TDRD9: variants seen among roughly 807,000 people sequenced by gnomAD.
TDRD9 encodes the protein ATP-dependent RNA helicase TDRD9.
Under a neutral mutation model 172.6 loss-of-function variants are expected in TDRD9, and 124 were observed. The ratio of observed to expected loss-of-function variants is 0.72; its 90% CI spans 0.62 to 0.83. The LOEUF is 0.83. TDRD9 is among the 40% of genes least tolerant of loss of function. The pLI is 0.00. For synonymous variants in TDRD9, 619 were observed against 617.1 expected (o/e 1.00, Z -0.05); for missense variants, 1,479 against 1,714.1 (o/e 0.86, Z 2.42).
intron 34 of TDRD9, among the ~76,000 whole-genome samples, chr14:104,047,316 T>G (rs1240926437): frequency 6.6e-6 from 1 of 152,212 alleles, no homozygotes; most frequent in East Asian, 1.9e-4. Context: ...TTTTTATATA[T>G]TGGTCTTTTA....
chr14:103,962,921 C>T (rs1465200322), intron 2 of TDRD9, among the ~76,000 whole-genome samples, 158 bp from the exon 3 acceptor site: 1 of 151,330 alleles, frequency 6.6e-6, no homozygotes, highest in Non-Finnish European at 1.5e-5. Flanking sequence ...TTGGTATTGC[C>T]CTGATGGCAG....
At chr14:103,953,452 T>A (rs1308334609) in intron 1 of TDRD9, among the ~76,000 whole-genome samples, 1 of 152,224 alleles carries the variant, frequency 6.6e-6, no homozygotes, top group Non-Finnish European at 1.5e-5. Flanking sequence ...TTTATTAAAG[T>A]GTATTAGACA....
intron 1 of TDRD9, among the ~76,000 whole-genome samples, chr14:103,935,302 G>A: frequency 6.6e-6 from 1 of 152,212 alleles, no homozygotes; most frequent in East Asian, 1.9e-4. Context: ...GGAGGATGTG[G>A]GGTGTGGTAA....
chr14:103,933,841 A>G (rs1330844110), intron 1 of TDRD9, among the ~76,000 whole-genome samples: 7 of 152,250 alleles, frequency 4.6e-5, no homozygotes, highest in Admixed American at 6.5e-5. Context: ...TTAAGATCAG[A>G]GAAGTTGAAG....
intron 1 of TDRD9, chr14:103,941,684 A>G (rs1374939906): frequency 6.6e-7 from 1 of 1,512,826 alleles, no homozygotes; most frequent in Admixed American, 2.1e-5. Flanking sequence ...TCATCCAGCC[A>G]AAAAGTGGCA....
intron 21 of TDRD9, among the ~76,000 whole-genome samples, chr14:104,015,115 T>A (rs1251740196): frequency 3.3e-5 from 5 of 152,118 alleles, no homozygotes; most frequent in African/African-American, 1.2e-4. Flanking sequence ...CAGGGGAGTG[T>A]TTCTATAGAG....
chr14:104,047,674 G>A (rs1360216997), intron 34 of TDRD9, among the ~76,000 whole-genome samples: 2 of 152,178 alleles, frequency 1.3e-5, no homozygotes, highest in East Asian at 3.9e-4. Flanking sequence ...GGCCTCACTG[G>A]TCTTTGAGGC....
intron 3 of TDRD9, among the ~76,000 whole-genome samples, chr14:103,963,770 T>C (rs998357297): frequency 1.2e-4 from 18 of 152,180 alleles, no homozygotes; most frequent in Non-Finnish European, 2.1e-4. Context: ...AAACTAGAAA[T>C]GTTTCAAATT....
At chr14:103,938,432 A>ATTTTTT (rs1343962171) in intron 1 of TDRD9, among the ~76,000 whole-genome samples, 439 of 37,068 alleles carry the variant, frequency 0.012, 45 homozygotes, top group African/African-American at 0.043. Context: ...ATATATATAT[A>ATTTTTT]TATATATATT....
chr14:104,020,479 C>T (rs2034920514), intron 23 of TDRD9, among the ~76,000 whole-genome samples: 1 of 152,118 alleles, frequency 6.6e-6, no homozygotes, highest in Admixed American at 6.5e-5. Flanking sequence ...GAGGAGAAGA[C>T]GCTGAGGTCT....
intron 7 of TDRD9, among the ~76,000 whole-genome samples, chr14:103,978,648 T>TCA (rs2033351511): frequency 6.6e-6 from 1 of 152,212 alleles, no homozygotes; most frequent in Admixed American, 6.5e-5. Context: ...CTTTGACTGA[T>TCA]GTTTTTCTCA....
intron 26 of TDRD9, 86 bp downstream of exon 26, chr14:104,025,862 G>T: frequency 8.1e-7 from 1 of 1,236,674 alleles, no homozygotes. Flanking sequence ...ATAATTGTAG[G>T]TGGAAATTAA....
chr14:104,031,397 A>C (rs917170347), intron 29 of TDRD9, 134 bp downstream of exon 29: 10 of 708,546 alleles, frequency 1.4e-5, no homozygotes, highest in Non-Finnish European at 2.2e-5. Flanking sequence ...CTCACAATTG[A>C]TCCTCTTATA....
At chr14:104,022,009 A>G in intron 23 of TDRD9, 148 bp from the exon 24 acceptor site, 1 of 650,094 alleles carries the variant, frequency 1.5e-6, no homozygotes, top group South Asian at 2.0e-5. Context: ...TGGAGAAATT[A>G]ATACATGTTA....
At chr14:104,023,217 A>G (rs2035019338) in intron 24 of TDRD9, among the ~76,000 whole-genome samples, 1 of 146,446 alleles carries the variant, frequency 6.8e-6, no homozygotes. Flanking sequence ...AAAAAAAAGG[A>G]TACCTATGGT....
intron 6 of TDRD9, among the ~76,000 whole-genome samples, chr14:103,973,391 C>T (rs1220277244): frequency 1.3e-5 from 2 of 152,168 alleles, no homozygotes; most frequent in African/African-American, 2.4e-5. Flanking sequence ...ACCTTTAGGT[C>T]CCTGTGGTTC....
chr14:103,942,425 A>G (rs1280041539), intron 1 of TDRD9: 2 of 152,234 alleles, frequency 1.3e-5, no homozygotes, highest in African/African-American at 4.8e-5. Flanking sequence ...AAATGCCAGC[A>G]GCTATAGATG....
At chr14:103,981,733 G>A (rs1454240535) in intron 7 of TDRD9, among the ~76,000 whole-genome samples, 1 of 152,122 alleles carries the variant, frequency 6.6e-6, no homozygotes, top group Admixed American at 6.5e-5. Flanking sequence ...CAAATACAAG[G>A]CCTATTTTAT....
At chr14:103,962,350 G>A (rs2032548010) in intron 2 of TDRD9, among the ~76,000 whole-genome samples, 1 of 152,206 alleles carries the variant, frequency 6.6e-6, no homozygotes, top group South Asian at 2.1e-4. Flanking sequence ...TCAGCAATGA[G>A]TGCGTGTTTT....
Sources: allele counts gnomAD v4.1 joint callset (sites outside exome capture counted in the v4.1 genomes callset), GRCh38; gene constraint gnomAD v4.1.1; transcripts MANE v1.5; gene names NCBI Gene and HGNC (gene_info 2026-07-23, HGNC 2026-07-21).